GPR39: variants seen among roughly 807,000 people sequenced by gnomAD.
The protein encoded by GPR39 is zinc sensing receptor.
In GPR39, 23 loss-of-function variants were observed where a neutral mutation model predicts 18.4. That is an observed-to-expected ratio of 1.25 (90% CI 0.90 to 1.77). The LOEUF (loss-of-function observed/expected upper bound fraction) is 1.77, where lower values mean the gene tolerates loss of function less well. GPR39 is among the 40% of genes most tolerant of loss of function. The pLI is 0.00. For missense variants in GPR39, 647 were observed against 602.4 expected (o/e 1.07, Z -0.78); for synonymous variants, 280 against 257.9 (o/e 1.09, Z -0.82).
intron 1 of GPR39, among the ~76,000 whole-genome samples, chr2:132,444,716 C>T (rs1680503936): frequency 1.3e-5 from 2 of 152,280 alleles, no homozygotes; most frequent in African/African-American, 2.4e-5. Flanking sequence ...TCAAAGATCA[C>T]CATTGATGAA....
Position 132,519,014 on chromosome 2 carries a change from T to C in GPR39, c.856+101116T>C, listed in dbSNP as rs548291133. On this transcript the variant is annotated intron_variant, in intron 1 of 1. Coordinates refer to ENST00000329321, the MANE Select transcript of GPR39 (RefSeq NM_001508.3). ...AAAGCTGCATTTCCCTCTTTGGAGT[T>C]TGTAGGTTGAGGCAAGGTGAGCACA... Among the ~76,000 whole-genome samples the C allele has an allele frequency of 4.6e-5, 7 of 152,332 alleles. No individual in the cohort carries two copies. The East Asian group carries it at 9.6e-4, about 21-fold the overall frequency.
intron 1 of GPR39, among the ~76,000 whole-genome samples, chr2:132,555,082 G>T (rs1457275054): frequency 1.3e-5 from 2 of 152,004 alleles, no homozygotes; most frequent in East Asian, 3.9e-4. Flanking sequence ...CTCCCGAGTA[G>T]CTGGGACTAC....
intron 1 of GPR39, among the ~76,000 whole-genome samples, chr2:132,564,727 G>C (rs1680315420): frequency 6.7e-6 from 1 of 150,346 alleles, no homozygotes; most frequent in Non-Finnish European, 1.5e-5. Flanking sequence ...CAAAATTTCT[G>C]GTTTATTGAT....
At chr2:132,568,140 A>G (rs72841212) in intron 1 of GPR39, among the ~76,000 whole-genome samples, 383 of 152,232 alleles carry the variant, frequency 2.5e-3, no homozygotes, top group Non-Finnish European at 4.3e-3. Context: ...TAGGATAATC[A>G]TGGCATTTCA....
chr2:132,576,120 C>A (rs916231709), intron 1 of GPR39, among the ~76,000 whole-genome samples: 2 of 152,202 alleles, frequency 1.3e-5, no homozygotes, highest in Admixed American at 6.5e-5. Flanking sequence ...TCTGAACAGA[C>A]AATGACTGTC....
Position 132,473,343 on chromosome 2 carries a change from TTATC to T in GPR39, c.856+55448_856+55451del, listed in dbSNP as rs1435459857. On this transcript the variant is annotated intron_variant, in intron 1 of 1. Coordinates refer to ENST00000329321, the MANE Select transcript of GPR39 (RefSeq NM_001508.3). ...ACCATGTATGTGTTCTCTTAGTAAA[TTATC>T]TAAGCCACTTCCTGCTCCCCCATGC... 2.0e-5 allele frequency among the ~76,000 whole-genome samples: 3 copies of T among 152,142 alleles called. No individual in the cohort carries two copies. The East Asian group carries it at 5.8e-4, about 29-fold the overall frequency.
At chr2:132,549,583 T>C (rs529471056) in intron 1 of GPR39, among the ~76,000 whole-genome samples, 1 of 152,014 alleles carries the variant, frequency 6.6e-6, no homozygotes, top group East Asian at 1.9e-4. Flanking sequence ...GGTCAGGAGA[T>C]TGAGACCATC....
chr2:132,547,176 G>T (rs1370408616), intron 1 of GPR39, among the ~76,000 whole-genome samples: 2 of 152,138 alleles, frequency 1.3e-5, no homozygotes, highest in Non-Finnish European at 2.9e-5. Flanking sequence ...AGAGTCCTTT[G>T]AGGGGAGTGA....
At chr2:132,530,195 C>T (rs939603238) in intron 1 of GPR39, among the ~76,000 whole-genome samples, 10 of 151,952 alleles carry the variant, frequency 6.6e-5, no homozygotes, top group South Asian at 6.2e-4. Context: ...GGCACAAGAA[C>T]GATGTGACAA....
intron 1 of GPR39, among the ~76,000 whole-genome samples, chr2:132,500,344 T>A (rs948749937): frequency 6.6e-6 from 1 of 152,178 alleles, no homozygotes; most frequent in African/African-American, 2.4e-5. Flanking sequence ...GATCACATGA[T>A]ATTTGTTTTT....
At chr2:132,425,745 A>G (rs1680108234) in intron 1 of GPR39, among the ~76,000 whole-genome samples, 1 of 152,204 alleles carries the variant, frequency 6.6e-6, no homozygotes, top group Non-Finnish European at 1.5e-5. Context: ...TCAAAGCATG[A>G]GAGGCATTTG....
intron 1 of GPR39, among the ~76,000 whole-genome samples, chr2:132,560,475 G>A (rs1680231997): frequency 2.0e-5 from 3 of 152,176 alleles, no homozygotes; most frequent in East Asian, 3.9e-4. Flanking sequence ...TCTCTCCTTC[G>A]TCTCATCTGT....
In GPR39 at chr2:132,464,574, A is replaced by G. The variant is rs547009859; in HGVS notation, c.856+46676A>G. Among the ~76,000 whole-genome samples, 13 of 152,326 alleles carry G rather than the reference A, an allele frequency of 8.5e-5. No individual in the cohort carries two copies. In the East Asian group the frequency reaches 2.3e-3, roughly 27 times the overall value. On this transcript the variant is annotated intron_variant, in intron 1 of 1. Coordinates refer to ENST00000329321, the MANE Select transcript of GPR39 (RefSeq NM_001508.3). ...GCACTAAGTCTCTCACTAGCTTCTC[A>G]GGGCAGAAACATCTCACTCATGCTG...
chr2:132,539,243 A>G (rs1679817017), intron 1 of GPR39, among the ~76,000 whole-genome samples: 1 of 152,196 alleles, frequency 6.6e-6, no homozygotes, highest in Admixed American at 6.5e-5. Context: ...TGAGAAAAGT[A>G]TAGTACCCGG....
chr2:132,516,321 C>T (rs1679332673), intron 1 of GPR39, among the ~76,000 whole-genome samples: 2 of 152,160 alleles, frequency 1.3e-5, no homozygotes, highest in Admixed American at 1.3e-4. Flanking sequence ...GGAGCAGACC[C>T]TGCTCAGACA....
chr2:132,580,065 G>C (rs1680596616), intron 1 of GPR39, among the ~76,000 whole-genome samples: 2 of 152,192 alleles, frequency 1.3e-5, no homozygotes, highest in Admixed American at 6.5e-5. Flanking sequence ...GGTAGTGTTG[G>C]CAAAATGATT....
At chr2:132,440,919 C>T (rs72999256) in intron 1 of GPR39, among the ~76,000 whole-genome samples, 33,246 of 151,980 alleles carry the variant, frequency 0.22, 5,416 homozygotes, top group African/African-American at 0.46. Context: ...CAGTCCTGCC[C>T]CACATTCCCT....
At chr2:132,532,459 A>T (rs1679657747) in intron 1 of GPR39, among the ~76,000 whole-genome samples, 1 of 152,218 alleles carries the variant, frequency 6.6e-6, no homozygotes, top group African/African-American at 2.4e-5. Flanking sequence ...TATTCCAATC[A>T]ATAGAAAAAG....
intron 1 of GPR39, among the ~76,000 whole-genome samples, chr2:132,570,513 C>G (rs1196648861): frequency 6.6e-6 from 1 of 152,084 alleles, no homozygotes; most frequent in East Asian, 1.9e-4. Flanking sequence ...ATCCTTTTGC[C>G]CCAAAACCTC....
Sources: gnomAD v4.1 joint callset for allele counts (sites outside exome capture counted in the v4.1 genomes callset) on GRCh38, gnomAD v4.1.1 for gene constraint, MANE v1.5 for transcripts, NCBI Gene and HGNC (gene_info 2026-07-23, HGNC 2026-07-21) for gene names.